RSU1: variants seen among roughly 807,000 people sequenced by gnomAD.
RSU1 encodes the protein Ras suppressor protein 1.
A neutral mutation model predicts 31.1 loss-of-function variants in RSU1; 26 were observed. That is an observed-to-expected ratio of 0.84 (90% CI 0.61 to 1.16). The LOEUF (loss-of-function observed/expected upper bound fraction) is 1.16, where lower values mean the gene tolerates loss of function less well. Among genes scored for constraint, RSU1 ranks in the 50% most tolerant of loss-of-function variants. RSU1 has a pLI of 0.00. For missense variants in RSU1, 320 were observed against 339.1 expected (o/e 0.94, Z 0.44); for synonymous variants, 164 against 136.3 (o/e 1.20, Z -1.41).
chr10:16,638,908 T>C (rs928242123), intron 8 of RSU1, among the ~76,000 whole-genome samples: 1 of 152,252 alleles, frequency 6.6e-6, no homozygotes. Context: ...ATTATTGTGA[T>C]TCATCTTCCT....
chr10:16,642,692 A>C lies in RSU1; in HGVS notation c.732-49196T>G, dbSNP rs961850524. On this transcript the variant is annotated intron_variant, in intron 8 of 8. Coordinates refer to ENST00000345264, the MANE Select transcript of RSU1 (RefSeq NM_012425.4). ...TTCTCTAAATGGACCCTGAAATCAT[A>C]TATTATGTATGTAAAAGCACTAATC... Among the ~76,000 whole-genome samples, 31 of 152,328 alleles carry C rather than the reference A, an allele frequency of 2.0e-4. No individual in the cohort carries two copies. The East Asian group carries it at 6.0e-3, about 29-fold the overall frequency.
chr10:16,627,506 C>A (rs1439668719), intron 8 of RSU1, among the ~76,000 whole-genome samples: 1 of 152,134 alleles, frequency 6.6e-6, no homozygotes, highest in Non-Finnish European at 1.5e-5. Flanking sequence ...GTAATCCCAG[C>A]ACTTTGGGAG....
At chr10:16,738,927 A>G (rs903537002) in intron 7 of RSU1, among the ~76,000 whole-genome samples, 1 of 146,688 alleles carries the variant, frequency 6.8e-6, no homozygotes, top group Non-Finnish European at 1.5e-5. Context: ...TGTTCTCATC[A>G]TTCAACTCCC....
intron 8 of RSU1, among the ~76,000 whole-genome samples, chr10:16,670,844 A>G (rs765761794): frequency 1.3e-5 from 2 of 151,962 alleles, no homozygotes; most frequent in Non-Finnish European, 2.9e-5. Flanking sequence ...GACTCACTAC[A>G]ACCTCCACCT....
chr10:16,724,371 C>G, intron 7 of RSU1, among the ~76,000 whole-genome samples: 1 of 152,178 alleles, frequency 6.6e-6, no homozygotes, highest in East Asian at 1.9e-4. Flanking sequence ...ATTACTCCAA[C>G]ACCACAAACT....
intron 8 of RSU1, among the ~76,000 whole-genome samples, chr10:16,628,231 T>C (rs1261136050): frequency 3.9e-5 from 6 of 152,218 alleles, no homozygotes; most frequent in Non-Finnish European, 8.8e-5. Context: ...GAAGTTAGGG[T>C]GGATAGTTTT....
chr10:16,720,982 A>G (rs1836247666), intron 7 of RSU1, among the ~76,000 whole-genome samples: 1 of 152,160 alleles, frequency 6.6e-6, no homozygotes, highest in African/African-American at 2.4e-5. Flanking sequence ...ACAAGACCCT[A>G]TCTCACATAA....
intron 2 of RSU1, among the ~76,000 whole-genome samples, chr10:16,783,669 T>G (rs778102953): frequency 6.8e-6 from 1 of 147,180 alleles, no homozygotes; most frequent in Non-Finnish European, 1.5e-5. Context: ...TTTTTTTTTT[T>G]GTTTTGTTTT....
At chr10:16,808,076 C>T (rs117025106) in intron 2 of RSU1, among the ~76,000 whole-genome samples, 5,213 of 151,730 alleles carry the variant, frequency 0.034, 120 homozygotes, top group Non-Finnish European at 0.051. Flanking sequence ...GTAAGGCAGG[C>T]CCTAGGAGTC....
rs1233123746 is a variant in RSU1, at chr10:16,645,908, A to ATGTATATATATGTGTATATACACATATG, written c.731+49087_731+49114dup. ...TATACATATATGTATATACACATATATGTATATATATGTGTATATACACAT... is the reference window on the plus strand; with the variant it reads ...TATACATATATGTATATACACATATATGTATATATATGTGTATATACACATATGTGTATATATATGTGTATATACACAT... On this transcript the variant is annotated intron_variant, in intron 8 of 8. Transcript: ENST00000345264. 2.2e-4 allele frequency among the ~76,000 whole-genome samples: 17 copies of ATGTATATATATGTGTATATACACATATG among 77,826 alleles called. 2 individuals are homozygous for ATGTATATATATGTGTATATACACATATG. Among genetic ancestry groups the ATGTATATATATGTGTATATACACATATG allele is most frequent in the South Asian group, 1.0e-3 (2 of 1,944 alleles). The allele number at this position is 77,826 out of a possible 152,430, so 51.1% of individuals were successfully genotyped here.
intron 8 of RSU1, among the ~76,000 whole-genome samples, chr10:16,612,099 A>G (rs1330981768): frequency 4.6e-5 from 7 of 152,230 alleles, no homozygotes; most frequent in Non-Finnish European, 1.0e-4. Context: ...GGTGCTCAAT[A>G]AACCAAGGCA....
At chr10:16,700,179 T>C (rs1313945018) in intron 7 of RSU1, among the ~76,000 whole-genome samples, 1 of 152,134 alleles carries the variant, frequency 6.6e-6, no homozygotes. Context: ...TAGTAAGCAA[T>C]CGAGGCGATC....
chr10:16,812,493 A>G (rs1362434881), intron 2 of RSU1, among the ~76,000 whole-genome samples: 4 of 152,166 alleles, frequency 2.6e-5, no homozygotes, highest in East Asian at 1.9e-4. Flanking sequence ...AATAGATTAT[A>G]TCTAAAATTA....
rs139378241 is a variant in RSU1 at position 16,645,423 on chromosome 10, T to C, written c.731+49600A>G. Among the ~76,000 whole-genome samples the C allele has an allele frequency of 3.1e-3, 476 of 151,544 alleles. 2 individuals are homozygous for C. The highest frequency in any genetic ancestry group is 4.6e-3 in the African/African-American group (188 of 40,828). ...AAATCCTGAAAATCCAAACATTTCA[T>C]TGGAAAATAAACTTTTCCAAAAGAA... On this transcript the variant is annotated intron_variant, in intron 8 of 8. Transcript: ENST00000345264.
At chr10:16,676,236 C>T (rs56366628) in intron 8 of RSU1, among the ~76,000 whole-genome samples, 26,696 of 152,140 alleles carry the variant, frequency 0.18, 2,915 homozygotes, top group East Asian at 0.35. Flanking sequence ...ATAAATTAAA[C>T]TTCTTATGAA....
chr10:16,676,540 C>T (rs1835235863), intron 8 of RSU1, among the ~76,000 whole-genome samples: 1 of 152,152 alleles, frequency 6.6e-6, no homozygotes, highest in South Asian at 2.1e-4. Context: ...GGGACACAGC[C>T]AAACCATATC....
intron 7 of RSU1, among the ~76,000 whole-genome samples, chr10:16,730,632 G>A (rs555110908): frequency 4.6e-5 from 7 of 152,178 alleles, no homozygotes; most frequent in Admixed American, 3.3e-4. Context: ...GGGTTTTTTG[G>A]TGCAGCAAAA....
chr10:16,600,950 G>A (rs927515978), intron 8 of RSU1, among the ~76,000 whole-genome samples: 1 of 152,046 alleles, frequency 6.6e-6, no homozygotes, highest in African/African-American at 2.4e-5. Flanking sequence ...TCCCTTTGCT[G>A]CAGCAGCAAG....
intron 2 of RSU1, among the ~76,000 whole-genome samples, chr10:16,814,047 G>A (rs986360956): frequency 1.3e-5 from 2 of 152,172 alleles, no homozygotes; most frequent in African/African-American, 4.8e-5. Flanking sequence ...AACTTGAGAT[G>A]CAAGAAACAG....
Sources: gnomAD v4.1 joint callset for allele counts (sites outside exome capture counted in the v4.1 genomes callset) on GRCh38, gnomAD v4.1.1 for gene constraint, MANE v1.5 for transcripts, NCBI Gene and HGNC (gene_info 2026-07-23, HGNC 2026-07-21) for gene names.